Variants in DSCAM observed in about 807,000 individuals in gnomAD.
DSCAM encodes cell adhesion molecule DSCAM.
Under a neutral mutation model 217.7 loss-of-function variants are expected in DSCAM, and 47 were observed. The observed-to-expected ratio is 0.22, with a 90% CI of 0.17 to 0.28. The LOEUF is 0.28. Ranked by LOEUF, DSCAM falls within the 10% of genes least tolerant of loss-of-function variation. DSCAM has a pLI of 1.00. For synonymous variants in DSCAM, 1,056 were observed against 1,015.3 expected (o/e 1.04, Z -0.76); for missense variants, 2,080 against 2,618.3 (o/e 0.79, Z 4.49).
intron 3 of DSCAM, among the ~76,000 whole-genome samples, chr21:40,576,078 A>T (rs2076848205): frequency 8.5e-6 from 1 of 117,196 alleles, no homozygotes; most frequent in South Asian, 3.1e-4. Flanking sequence ...TATAAAGTTA[A>T]ACATGCCATC....
chr21:40,179,256 T>C (rs1428342741), intron 14 of DSCAM, among the ~76,000 whole-genome samples, 162 bp from the exon 15 acceptor site: 2 of 141,136 alleles, frequency 1.4e-5, no homozygotes, highest in East Asian at 4.2e-4. Flanking sequence ...CTGAATGCAA[T>C]GTTCCCAGCT....
chr21:40,390,293 G>A (rs573433632), intron 3 of DSCAM, among the ~76,000 whole-genome samples: 1 of 152,344 alleles, frequency 6.6e-6, no homozygotes, highest in South Asian at 2.1e-4. Flanking sequence ...GAGTCTATCA[G>A]TCAGCTGTTA....
At chr21:40,650,081 T>A (rs987898) in intron 3 of DSCAM, among the ~76,000 whole-genome samples, 65,665 of 152,038 alleles carry the variant, frequency 0.43, 14,379 homozygotes, top group East Asian at 0.61. Flanking sequence ...GAGCAATCAC[T>A]TGCAATTTTA....
Position 40,716,627 on chromosome 21 carries a change from C to T in DSCAM, c.44-7856G>A, listed in dbSNP as rs541025838. Among the ~76,000 whole-genome samples, 10 of 152,216 alleles carry T rather than the reference C, an allele frequency of 6.6e-5. No individual in the cohort carries two copies. The South Asian group carries it at 2.1e-3, about 32-fold the overall frequency. On this transcript the variant is annotated intron_variant, in intron 1 of 32. Transcript: ENST00000400454. ...CTGACAAACATAAAGAAGAGTGTTA[C>T]ACCAAAAAGAAAATAAATCAATATT...
intron 3 of DSCAM, among the ~76,000 whole-genome samples, chr21:40,620,592 G>T (rs886366837): frequency 1.3e-5 from 2 of 151,924 alleles, no homozygotes; most frequent in Admixed American, 1.3e-4. Flanking sequence ...GAAAAAAGAA[G>T]ATTGAGTAAG....
chr21:40,649,905 T>C (rs971703855), intron 3 of DSCAM, among the ~76,000 whole-genome samples: 2 of 151,872 alleles, frequency 1.3e-5, no homozygotes, highest in South Asian at 2.1e-4. Context: ...AGAGACAGAG[T>C]AGAGTTTGCT....
At chr21:40,354,848 C>CCA (rs1205965737) in intron 4 of DSCAM, among the ~76,000 whole-genome samples, 1 of 112,390 alleles carries the variant, frequency 8.9e-6, no homozygotes, top group Non-Finnish European at 1.8e-5. Context: ...AACTCTGTCT[C>CCA]AAAAAAAAAA....
intron 1 of DSCAM, among the ~76,000 whole-genome samples, chr21:40,794,540 T>TG (rs2091674044): frequency 9.8e-6 from 1 of 101,850 alleles, no homozygotes; most frequent in Non-Finnish European, 2.3e-5. Context: ...TTAGTCAAAT[T>TG]GGAAAAAAAA....
At chr21:40,640,915 T>G (rs1018910128) in intron 3 of DSCAM, among the ~76,000 whole-genome samples, 26 of 152,280 alleles carry the variant, frequency 1.7e-4, no homozygotes, top group African/African-American at 5.3e-4. Context: ...CTACGGTGTT[T>G]TACACAGTAC....
intron 3 of DSCAM, among the ~76,000 whole-genome samples, chr21:40,485,632 A>G (rs1209095749): frequency 6.6e-6 from 1 of 152,188 alleles, no homozygotes; most frequent in Admixed American, 6.5e-5. Context: ...ATAAATAAAT[A>G]AAATGTATTT....
At chr21:40,286,938 C>CCA (rs1160134001) in intron 10 of DSCAM, among the ~76,000 whole-genome samples, 1 of 152,078 alleles carries the variant, frequency 6.6e-6, no homozygotes, top group African/African-American at 2.4e-5. Context: ...ACGTTGTGAT[C>CCA]TGCAGTGTGA....
At chr21:40,179,233 C>T in intron 14 of DSCAM, 139 bp from the exon 15 acceptor site, 1 of 913,466 alleles carries the variant, frequency 1.1e-6, no homozygotes, top group South Asian at 1.9e-5. Context: ...AAAAATTACA[C>T]TCAAAGTGAT....
At chr21:40,627,049 C>A (rs1248588914) in intron 3 of DSCAM, among the ~76,000 whole-genome samples, 1 of 152,260 alleles carries the variant, frequency 6.6e-6, no homozygotes, top group East Asian at 1.9e-4. Flanking sequence ...CAGCTGCCCC[C>A]TCAAGTAACA....
intron 11 of DSCAM, among the ~76,000 whole-genome samples, chr21:40,233,275 AC>A (rs1398511869): frequency 6.6e-5 from 10 of 152,226 alleles, no homozygotes; most frequent in Non-Finnish European, 1.5e-4. Flanking sequence ...GAGGGTTTTT[AC>A]ATTTATAACT....
At chr21:40,648,881 C>T (rs1028266546) in intron 3 of DSCAM, among the ~76,000 whole-genome samples, 12 of 152,128 alleles carry the variant, frequency 7.9e-5, no homozygotes, top group African/African-American at 2.7e-4. Flanking sequence ...TCAGTGTATC[C>T]TCATTCTTCT....
At chr21:40,219,011 T>C (rs972633813) in intron 11 of DSCAM, among the ~76,000 whole-genome samples, 2 of 152,342 alleles carry the variant, frequency 1.3e-5, no homozygotes, top group African/African-American at 2.4e-5. Flanking sequence ...TTCAATAGTA[T>C]GTTGAACAGG....
At chr21:40,569,138 T>C (rs2076787023) in intron 3 of DSCAM, among the ~76,000 whole-genome samples, 1 of 152,218 alleles carries the variant, frequency 6.6e-6, no homozygotes, top group Non-Finnish European at 1.5e-5. Context: ...CCAGGGTGCC[T>C]TGCTGTTGGA....
chr21:40,519,464 C>G lies in DSCAM; in HGVS notation c.509-150219G>C, dbSNP rs183827475. 1.1e-3 allele frequency among the ~76,000 whole-genome samples: 167 copies of G among 152,270 alleles called. 1 individual carries two copies. Among genetic ancestry groups the G allele is most frequent in the African/African-American group, 3.8e-3 (158 of 41,544 alleles). ...GCCCTCATGAACGGTATTGTGCACT[C>G]TTAAAAGACACCTGAGAGAGACCCC... On this transcript the variant is annotated intron_variant, in intron 3 of 32. Coordinates refer to ENST00000400454, the MANE Select transcript of DSCAM (RefSeq NM_001389.5).
At chr21:40,456,917 C>G (rs927725219) in intron 3 of DSCAM, among the ~76,000 whole-genome samples, 8 of 152,098 alleles carry the variant, frequency 5.3e-5, no homozygotes, top group African/African-American at 1.9e-4. Flanking sequence ...TTCTATTTAA[C>G]TATAGTATTA....
Sources: gnomAD v4.1 joint callset for allele counts (sites outside exome capture counted in the v4.1 genomes callset) on GRCh38, gnomAD v4.1.1 for gene constraint, MANE v1.5 for transcripts, NCBI Gene and HGNC (gene_info 2026-07-23, HGNC 2026-07-21) for gene names.